LPA: variants seen among roughly 807,000 people sequenced by gnomAD.
LPA encodes apolipoprotein(a).
A neutral mutation model predicts 197.9 loss-of-function variants in LPA; 199 were observed. The ratio of observed to expected loss-of-function variants is 1.01; its 90% CI spans 0.90 to 1.13. The LOEUF (loss-of-function observed/expected upper bound fraction) is 1.13, where lower values mean the gene tolerates loss of function less well. Among genes scored for constraint, LPA ranks in the 50% most tolerant of loss-of-function variants. LPA has a pLI of 0.00. For synonymous variants in LPA, 715 were observed against 639.5 expected (o/e 1.12, Z -1.78); for missense variants, 1,853 against 1,785.8 (o/e 1.04, Z -0.68).
Position 160,557,477 on chromosome 6 carries a change from G to C in LPA, c.4726C>G (p.Leu1576Val), listed in dbSNP as rs1286433559. 1.7e-5 allele frequency: 28 copies of C among 1,613,984 alleles called. No individual in the cohort carries two copies. The highest frequency in any genetic ancestry group is 2.2e-5 in the Non-Finnish European group (26 of 1,180,022). ...DPCVRWEYCN[L>V]TQCSETESGV... ...GATTCTGTTTCTGAGCATTGTGTCA[G>C]ATTGCAGTACTCCCACCTCACACAC... is the stretch of plus-strand genomic sequence containing the variant. The change falls in exon 29 of 39, where the codon CTG becomes GTG. Residue 1576 changes from leucine (L) to valine (V), a missense_variant. Leu to Val is a conservative substitution (Grantham distance 32). Coordinates refer to ENST00000316300, the MANE Select transcript of LPA (RefSeq NM_005577.4).
intron 21 of LPA, 60 bp from the exon 22 acceptor site, chr6:160,594,177 G>T: frequency 6.3e-7 from 1 of 1,596,782 alleles, no homozygotes; most frequent in South Asian, 1.1e-5. Context: ...AGCATCAGAA[G>T]AAATCTGTGA....
intron 18 of LPA, among the ~76,000 whole-genome samples, chr6:160,604,652 T>C (rs561047478): frequency 6.6e-6 from 1 of 152,272 alleles, no homozygotes; most frequent in East Asian, 1.9e-4. Context: ...ACTTTCCTTG[T>C]AAGCCAAAAC....
intron 33 of LPA, among the ~76,000 whole-genome samples, chr6:160,543,667 C>T (rs1778019666): frequency 6.6e-6 from 1 of 152,212 alleles, no homozygotes; most frequent in Non-Finnish European, 1.5e-5. Flanking sequence ...GTATGCCTTA[C>T]ATACAGTAAA....
rs75293710 is a variant in LPA at position 160,584,486 on chromosome 6, C to G, written c.4289+560G>C. Reference sequence around the variant, plus strand: ...AGTTGGAATTACAGGTACCCACCACCATGACCGGCTAATTTTTTAATTTTT... The same window carrying G: ...AGTTGGAATTACAGGTACCCACCACGATGACCGGCTAATTTTTTAATTTTT... On this transcript the variant is annotated intron_variant, in intron 26 of 38. Coordinates refer to ENST00000316300, the MANE Select transcript of LPA (RefSeq NM_005577.4). Among the ~76,000 whole-genome samples the G allele has an allele frequency of 5.9e-5, 9 of 151,816 alleles. No individual in the cohort carries two copies. The East Asian group carries it at 1.2e-3, about 20-fold the overall frequency.
At chr6:160,607,095 C>T (rs1156884568) in intron 16 of LPA, among the ~76,000 whole-genome samples, 2 of 151,972 alleles carry the variant, frequency 1.3e-5, no homozygotes, top group Non-Finnish European at 1.5e-5. Context: ...TTCTAATGTG[C>T]AAGTTGCAAC....
chr6:160,588,343 T>C (rs1044692697), intron 24 of LPA, among the ~76,000 whole-genome samples: 1 of 152,170 alleles, frequency 6.6e-6, no homozygotes, highest in Middle Eastern at 3.4e-3. Context: ...TTGTTGGAGT[T>C]TTTCTGGAGT....
At chr6:160,657,936 T>C (rs1780159176) in intron 1 of LPA, among the ~76,000 whole-genome samples, 2 of 152,068 alleles carry the variant, frequency 1.3e-5, no homozygotes, top group Non-Finnish European at 2.9e-5. Flanking sequence ...GAACCTCACC[T>C]CTGGGGCCCG....
intron 30 of LPA, among the ~76,000 whole-genome samples, chr6:160,553,954 T>TGTGTGTGTGTGTGTGTGTGTGCGCGC (rs771903485): frequency 4.6e-5 from 6 of 130,748 alleles, no homozygotes; most frequent in Non-Finnish European, 8.1e-5. Flanking sequence ...TGTGTGTGTG[T>TGTGTGTGTGTGTGTGTGTGTGCGCGC]GCGCGCGCGC....
Position 160,531,484 on chromosome 6 carries a change from C to A in LPA, c.*245G>T. On this transcript the variant is annotated 3_prime_UTR_variant, in exon 39 of 39. Coordinates refer to ENST00000316300, the MANE Select transcript of LPA (RefSeq NM_005577.4). ...TTGAAGACCAAAACCAAAATTAATTCAAATCAAAATAAGTGCAGAGTTTAT... is the reference window on the plus strand; with the variant it reads ...TTGAAGACCAAAACCAAAATTAATTAAAATCAAAATAAGTGCAGAGTTTAT... 1 of 521,566 alleles carries A rather than the reference C, an allele frequency of 1.9e-6. No individual in the cohort carries two copies. Among genetic ancestry groups the A allele is most frequent in the Non-Finnish European group, 3.4e-6 (1 of 291,204 alleles). The allele number at this position is 521,566 out of a possible 1,614,324, so 32.3% of individuals were successfully genotyped here. A position where few individuals can be genotyped will look rare whatever the true frequency, so the allele number is the denominator to read the frequency against.
At chr6:160,600,306 C>G (rs974470081) in intron 19 of LPA, among the ~76,000 whole-genome samples, 1 of 152,128 alleles carries the variant, frequency 6.6e-6, no homozygotes, top group Admixed American at 6.5e-5. Flanking sequence ...TCTCCAGACC[C>G]CCCGCAGGTA....
intron 30 of LPA, among the ~76,000 whole-genome samples, chr6:160,551,073 G>T (rs573484861): frequency 1.5e-4 from 23 of 152,356 alleles, no homozygotes; most frequent in African/African-American, 5.0e-4. Context: ...TTGCAGGTTT[G>T]TAGGGTAAAA....
At chr6:160,583,828 C>T (rs181208610) in intron 26 of LPA, among the ~76,000 whole-genome samples, 22 of 152,304 alleles carry the variant, frequency 1.4e-4, no homozygotes, top group African/African-American at 5.3e-4. Flanking sequence ...GGTTAAAACT[C>T]TTTGCCCTTA....
intron 1 of LPA, among the ~76,000 whole-genome samples, chr6:160,655,496 G>A (rs1352344065): frequency 6.6e-6 from 1 of 152,288 alleles, no homozygotes; most frequent in African/African-American, 2.4e-5. Flanking sequence ...CAGGTCACTC[G>A]ATAAATGGGC....
chr6:160,535,151 TTGATGGTGATTA>T (rs1562312935), intron 37 of LPA, among the ~76,000 whole-genome samples: 1 of 149,234 alleles, frequency 6.7e-6, no homozygotes, highest in Non-Finnish European at 1.5e-5. Context: ...GGAGATGGTG[TTGATGGTGATTA>T]TGATGGTGAC....
chr6:160,592,045 A>G (rs996654820), intron 22 of LPA, among the ~76,000 whole-genome samples: 3 of 152,204 alleles, frequency 2.0e-5, no homozygotes, highest in African/African-American at 7.2e-5. Context: ...CTTCATGACT[A>G]TGAATTTCTC....
chr6:160,599,744 G>A, intron 19 of LPA, 85 bp from the exon 20 acceptor site: 1 of 1,439,444 alleles, frequency 6.9e-7, no homozygotes, highest in South Asian at 1.1e-5. Context: ...AACCAAAAAA[G>A]AGTCACTGAG....
chr6:160,591,216 A>G (rs1221334128), intron 22 of LPA, 115 bp from the exon 23 acceptor site: 2 of 1,293,452 alleles, frequency 1.5e-6, no homozygotes. Context: ...AAATATTCTC[A>G]CTAAAGGTCC....
intron 1 of LPA, among the ~76,000 whole-genome samples, chr6:160,653,988 AAT>A (rs1562354556): frequency 5.7e-5 from 1 of 17,552 alleles, no homozygotes; most frequent in Non-Finnish European, 9.7e-5. Flanking sequence ...TATAATATAT[AAT>A]ATATATTATA....
intron 7 of LPA, among the ~76,000 whole-genome samples, chr6:160,634,627 T>C (rs1321529734): frequency 4.0e-5 from 6 of 149,388 alleles, no homozygotes; most frequent in South Asian, 2.1e-4. Context: ...CCTTAGAGCA[T>C]TGGGAGCTCA....
Sources: gnomAD v4.1 joint callset for allele counts (sites outside exome capture counted in the v4.1 genomes callset) on GRCh38, gnomAD v4.1.1 for gene constraint, MANE v1.5 for transcripts, NCBI Gene and HGNC (gene_info 2026-07-23, HGNC 2026-07-21) for gene names.